The following LRP1B variants were observed in gnomAD, a reference collection of about 807,000 sequenced individuals.
LRP1B encodes the protein LDL receptor related protein 1B.
LRP1B carries 217 observed loss-of-function variants against 556.6 expected under a neutral mutation model. The ratio of observed to expected loss-of-function variants is 0.39; its 90% confidence interval spans 0.35 to 0.44. The LOEUF (loss-of-function observed/expected upper bound fraction) is 0.44. LRP1B is among the 20% of genes least tolerant of loss of function. LRP1B has a pLI of 1.00. For missense variants in LRP1B, 5,053 were observed against 5,620.8 expected (o/e 0.90, Z 3.23); for synonymous variants, 2,047 against 1,865.8 (o/e 1.10, Z -2.50).
intron 41 of LRP1B, among the ~76,000 whole-genome samples, chr2:140,687,432 C>T (rs1032369250): frequency 3.9e-5 from 6 of 152,062 alleles, no homozygotes; most frequent in South Asian, 2.1e-4. Context: ...CTATCCTAGG[C>T]GTTGCAAATA....
intron 7 of LRP1B, among the ~76,000 whole-genome samples, chr2:141,150,411 G>A (rs1287490672): frequency 6.6e-6 from 1 of 152,064 alleles, no homozygotes; most frequent in Admixed American, 6.6e-5. Flanking sequence ...TCTATATTTT[G>A]TTTCTTTTTC....
intron 2 of LRP1B, among the ~76,000 whole-genome samples, chr2:141,557,968 T>C (rs746202295): frequency 7.2e-5 from 11 of 151,828 alleles, no homozygotes; most frequent in Non-Finnish European, 1.2e-4. Flanking sequence ...ATACACTTGC[T>C]CTAAAAAATG....
At chr2:140,311,513 A>G (rs1684300451) in intron 83 of LRP1B, among the ~76,000 whole-genome samples, 1 of 151,846 alleles carries the variant, frequency 6.6e-6, no homozygotes, top group South Asian at 2.1e-4. Context: ...TAGACATTGG[A>G]GAAGTGGAAG....
chr2:142,054,606 A>C (rs6731367), intron 1 of LRP1B, among the ~76,000 whole-genome samples: 5,374 of 152,240 alleles, frequency 0.035, 311 homozygotes, highest in African/African-American at 0.12. Flanking sequence ...ACACATAGTC[A>C]AATTCGGCTT....
At chr2:140,880,742 T>A (rs1370692518) in intron 25 of LRP1B, among the ~76,000 whole-genome samples, 1 of 152,178 alleles carries the variant, frequency 6.6e-6, no homozygotes, top group Non-Finnish European at 1.5e-5. Flanking sequence ...TTGCAAACCT[T>A]TCTTTTCATT....
intron 3 of LRP1B, among the ~76,000 whole-genome samples, chr2:141,304,626 T>G (rs887438588): frequency 6.6e-6 from 1 of 151,452 alleles, no homozygotes; most frequent in East Asian, 1.9e-4. Flanking sequence ...ATTACAGGCA[T>G]GCACCACCAC....
chr2:141,424,391 C>T (rs7604986), intron 3 of LRP1B, among the ~76,000 whole-genome samples: 5,347 of 152,178 alleles, frequency 0.035, 295 homozygotes, highest in African/African-American at 0.12. Flanking sequence ...GGATTACAGG[C>T]ATGAGCCACC....
At chr2:141,770,225 C>G (rs1015003650) in intron 2 of LRP1B, among the ~76,000 whole-genome samples, 1 of 151,656 alleles carries the variant, frequency 6.6e-6, no homozygotes, top group African/African-American at 2.4e-5. Flanking sequence ...TGCATCTATG[C>G]TTTCTCTTAT....
intron 1 of LRP1B, among the ~76,000 whole-genome samples, chr2:141,979,618 T>C (rs1204700380): frequency 6.6e-6 from 1 of 152,126 alleles, no homozygotes; most frequent in Non-Finnish European, 1.5e-5. Context: ...TCTTGCCGTC[T>C]TGTGTGTTTC....
intron 7 of LRP1B, among the ~76,000 whole-genome samples, chr2:141,113,174 C>T (rs140678304): frequency 1.3e-5 from 2 of 152,228 alleles, no homozygotes; most frequent in East Asian, 1.9e-4. Context: ...AGGCAGAACA[C>T]TGGTCTTTTC....
At chr2:140,345,579 G>A (rs1681607443) in intron 77 of LRP1B, among the ~76,000 whole-genome samples, 1 of 149,590 alleles carries the variant, frequency 6.7e-6, no homozygotes, top group South Asian at 2.1e-4. Flanking sequence ...ATAGTTTTAT[G>A]TATGTCCTCT....
intron 1 of LRP1B, among the ~76,000 whole-genome samples, chr2:141,956,604 A>T (rs1248641060): frequency 9.2e-6 from 1 of 109,000 alleles, no homozygotes; most frequent in Non-Finnish European, 1.9e-5. Context: ...GAAATTTATC[A>T]GTCTTTTATG....
chr2:140,823,021 T>C (rs559645943), intron 31 of LRP1B, among the ~76,000 whole-genome samples: 27 of 152,352 alleles, frequency 1.8e-4, no homozygotes, highest in Admixed American at 1.6e-3. Flanking sequence ...ACTATGATTA[T>C]ATTATTTTTG....
intron 41 of LRP1B, among the ~76,000 whole-genome samples, chr2:140,638,385 T>C (rs1027295818): frequency 1.6e-4 from 24 of 152,140 alleles, no homozygotes; most frequent in African/African-American, 5.8e-4. Context: ...AGACAAGCCA[T>C]AGACAATTCA....
chr2:141,332,395 A>C (rs1260956622), intron 3 of LRP1B, among the ~76,000 whole-genome samples: 1 of 151,532 alleles, frequency 6.6e-6, no homozygotes. Flanking sequence ...TTTGCTATGG[A>C]CATTTTCACC....
intron 2 of LRP1B, among the ~76,000 whole-genome samples, chr2:141,775,406 C>T (rs539571665): frequency 1.3e-5 from 2 of 152,268 alleles, no homozygotes; most frequent in South Asian, 2.1e-4. Flanking sequence ...CTTTGAATTT[C>T]CCCTGAACCA....
At chr2:141,951,962 T>C (rs1251138669) in intron 1 of LRP1B, among the ~76,000 whole-genome samples, 4 of 151,422 alleles carry the variant, frequency 2.6e-5, no homozygotes, top group Admixed American at 6.6e-5. Flanking sequence ...TCATTTACAT[T>C]AGGTATTTCT....
chr2:142,086,006 C>T (rs1705905013), intron 1 of LRP1B, among the ~76,000 whole-genome samples: 1 of 152,142 alleles, frequency 6.6e-6, no homozygotes, highest in Admixed American at 6.5e-5. Context: ...TAACCTACTA[C>T]AGGGTGATAC....
intron 3 of LRP1B, among the ~76,000 whole-genome samples, chr2:141,352,341 TTATTTAAAATCA>T (rs1157480370): frequency 6.6e-6 from 1 of 151,948 alleles, no homozygotes; most frequent in Non-Finnish European, 1.5e-5. Context: ...GGCATGAAAT[TTATTTAAAATCA>T]TGGGGTTATG....
Sources: allele counts gnomAD v4.1 joint callset (sites outside exome capture counted in the v4.1 genomes callset), GRCh38; gene constraint gnomAD v4.1.1; transcripts MANE v1.5; gene names NCBI Gene and HGNC (gene_info 2026-07-23, HGNC 2026-07-21).